MYO18A: variants seen among roughly 807,000 people sequenced by gnomAD.
The protein encoded by MYO18A is myosin XVIIIA.
A neutral mutation model predicts 235.8 loss-of-function variants in MYO18A; 78 were observed. The observed-to-expected ratio is 0.33, with a 90% CI of 0.28 to 0.40. The LOEUF (loss-of-function observed/expected upper bound fraction) is 0.40. Among genes scored for constraint, MYO18A ranks in the 10% least tolerant of loss-of-function variants. The pLI, the probability that MYO18A is intolerant of heterozygous loss-of-function variation, is 1.00. For synonymous variants in MYO18A, 977 were observed against 1,077.8 expected (o/e 0.91, Z 1.83); for missense variants, 2,215 against 2,699.3 (o/e 0.82, Z 3.98).
chr17:29,099,686 A>C lies in MYO18A; in HGVS notation c.3584T>G (p.Phe1195Cys). 1 of 1,613,656 alleles carries C rather than the reference A, an allele frequency of 6.2e-7. No individual in the cohort carries two copies. Among genetic ancestry groups the C allele is most frequent in the Non-Finnish European group, 8.5e-7 (1 of 1,179,844 alleles). The change falls in exon 22 of 42, where the codon TTC becomes TGC. Residue 1195 changes from phenylalanine (F) to cysteine (C), a missense_variant. Transcript: ENST00000527372. ...CAGGTAGCCCCTGCAGGCTGCTTGG[A>C]ACAGGGTTAGGTTCCTGCTGGTTTG... Reference protein sequence around the residue: ...DEQTSRNLTLFQAACRGYLAR... With the variant: ...DEQTSRNLTLCQAACRGYLAR...
Position 29,094,632 on chromosome 17 carries a change from G to T in MYO18A, c.4710+18C>A. ...CCTCGCTGCACCTCACCTCTCCCTT[G>T]GCCAAGCCCTCCTGTACCTGTTCCA... On this transcript the variant is annotated intron_variant, in intron 30 of 41. Transcript: ENST00000527372. 2 of 1,613,722 alleles carry T rather than the reference G, an allele frequency of 1.2e-6. No homozygotes were observed. Among genetic ancestry groups the T allele is most frequent in the Middle Eastern group, 1.6e-4 (1 of 6,062 alleles).
rs1356345730 is a variant in MYO18A at position 29,099,625 on chromosome 17, G to A, written c.3636+9C>T. 6.2e-7 allele frequency: 1 copy of A among 1,612,566 alleles called. No homozygotes were observed. The highest frequency in any genetic ancestry group is 8.5e-7 in the Non-Finnish European group (1 of 1,179,226). ...TTGGGGAGGGGGAGGGATGTCTCTA[G>A]AGCAGCACCTTTCTCTTCTTGAAGT... On this transcript the variant is annotated intron_variant, in intron 22 of 41. Coordinates refer to ENST00000527372, the MANE Select transcript of MYO18A (RefSeq NM_078471.4).
intron 2 of MYO18A, among the ~76,000 whole-genome samples, chr17:29,123,194 C>T (rs892405162): frequency 1.3e-5 from 2 of 152,196 alleles, no homozygotes. Context: ...TGGGAAGAAA[C>T]GGTGTCTGGG....
chr17:29,137,451 A>C (rs1271513684), intron 2 of MYO18A, among the ~76,000 whole-genome samples: 2 of 152,228 alleles, frequency 1.3e-5, no homozygotes, highest in Non-Finnish European at 2.9e-5. Context: ...TAGTGAACTC[A>C]ATGCCTGGGT....
chr17:29,087,369 G>A (rs1006952604), intron 37 of MYO18A, among the ~76,000 whole-genome samples: 1 of 152,206 alleles, frequency 6.6e-6, no homozygotes, highest in Admixed American at 6.5e-5. Flanking sequence ...TCTGAAAGAT[G>A]AAAGGTGCTA....
intron 2 of MYO18A, among the ~76,000 whole-genome samples, chr17:29,156,670 T>C (rs2068072382): frequency 6.6e-6 from 1 of 152,232 alleles, no homozygotes; most frequent in African/African-American, 2.4e-5. Context: ...AAATATCCCC[T>C]GCCCTCATGC....
chr17:29,102,772 C>T (rs1204573671), intron 21 of MYO18A, among the ~76,000 whole-genome samples: 1 of 152,194 alleles, frequency 6.6e-6, no homozygotes, highest in East Asian at 1.9e-4. Context: ...CCGAGAGGAC[C>T]AAGCACACAG....
At chr17:29,083,508 ACACAGGCATGTGTGCGCGCGCGCG>A (rs1227095710) in intron 40 of MYO18A, among the ~76,000 whole-genome samples, 1 of 124,226 alleles carries the variant, frequency 8.0e-6, no homozygotes, top group East Asian at 3.4e-4. Flanking sequence ...ATAAACAGCC[ACACAGGCATGTGTGCGCGCGCGCG>A]CACACACACA....
At chr17:29,145,047 T>C (rs565165244) in intron 2 of MYO18A, among the ~76,000 whole-genome samples, 1 of 152,234 alleles carries the variant, frequency 6.6e-6, no homozygotes, top group Non-Finnish European at 1.5e-5. Context: ...TTCACAACCA[T>C]ATAGTTGAAC....
rs749348606 is a variant in MYO18A, at chr17:29,107,157, G to A, written c.3364C>T (p.Arg1122Cys). 53 of 1,613,820 alleles carry A rather than the reference G, an allele frequency of 3.3e-5. No individual in the cohort carries two copies. In the South Asian group the frequency reaches 3.4e-4, roughly 10 times the overall value. Residue 1122 changes from arginine to cysteine, a missense_variant, in exon 20 of 42, where the codon CGC (arginine) becomes TGC (cysteine). Coordinates refer to ENST00000527372, the MANE Select transcript of MYO18A (RefSeq NM_078471.4). ...YPDHMVFSEF[R>C]RRFDVLAPHL... ...GGGGCCAGGACATCAAAGCGGCGGC[G>A]GAACTCGGAAAACACCATGTGGTCA...
chr17:29,097,428 C>A (rs1463580644), intron 26 of MYO18A, 78 bp from the exon 27 acceptor site: 2 of 1,559,096 alleles, frequency 1.3e-6, no homozygotes, highest in East Asian at 2.3e-5. Context: ...GAGGATGGGG[C>A]AGGGGGAGCA....
At chr17:29,128,687 C>A in intron 2 of MYO18A, 1 of 596,852 alleles carries the variant, frequency 1.7e-6, no homozygotes, top group Non-Finnish European at 2.4e-6. Context: ...CTCCACGAGG[C>A]TACCCCAGGA....
intron 21 of MYO18A, 34 bp downstream of exon 21, chr17:29,103,565 T>A: frequency 6.2e-7 from 1 of 1,608,044 alleles, no homozygotes; most frequent in South Asian, 1.1e-5. Flanking sequence ...GCCCCTGGAG[T>A]GAGGCCCGAC....
chr17:29,100,224 C>T (rs780220438), intron 21 of MYO18A, among the ~76,000 whole-genome samples: 1 of 152,084 alleles, frequency 6.6e-6, no homozygotes, highest in Non-Finnish European at 1.5e-5. Context: ...TTGCTGGGAT[C>T]GGGTGAGTGG....
chr17:29,118,469 G>A lies in MYO18A; in HGVS notation c.1830-29C>T. ...GGGGTACAAATAAGGCATCAGCACG[G>A]CACTTGGTCCCCATGCCAAGGCCAT... On this transcript the variant is annotated intron_variant, in intron 8 of 41. Coordinates refer to ENST00000527372, the MANE Select transcript of MYO18A (RefSeq NM_078471.4). This position sits in a 1 kb window ranked among gnomAD's most constrained non-coding sequence, Gnocchi z 4.2. 6.3e-7 allele frequency: 1 copy of A among 1,578,910 alleles called. No homozygotes were observed. The highest frequency in any genetic ancestry group is 1.1e-5 in the South Asian group (1 of 88,958).
At chr17:29,139,685 T>A (rs2067690691) in intron 2 of MYO18A, among the ~76,000 whole-genome samples, 1 of 152,174 alleles carries the variant, frequency 6.6e-6, no homozygotes, top group South Asian at 2.1e-4. Flanking sequence ...CTTTCTTTTT[T>A]AAGGAACTTA....
At chr17:29,169,705 C>A (rs2152982973) in intron 1 of MYO18A, among the ~76,000 whole-genome samples, 1 of 152,202 alleles carries the variant, frequency 6.6e-6, no homozygotes, top group Admixed American at 6.5e-5. Flanking sequence ...AGAAAGAAAT[C>A]CACCTTGGGG....
chr17:29,149,535 G>A (rs2067925083), intron 2 of MYO18A, among the ~76,000 whole-genome samples: 1 of 152,208 alleles, frequency 6.6e-6, no homozygotes, highest in Non-Finnish European at 1.5e-5. Flanking sequence ...AGTTTGCTCA[G>A]AGCCATGTGC....
chr17:29,083,503 C>A (rs1249401202), intron 40 of MYO18A, among the ~76,000 whole-genome samples: 1 of 111,418 alleles, frequency 9.0e-6, no homozygotes, highest in African/African-American at 4.1e-5. Context: ...CTTAAATAAA[C>A]AGCCACACAG....
Sources: gnomAD v4.1 joint callset for allele counts (sites outside exome capture counted in the v4.1 genomes callset) on GRCh38, gnomAD v4.1.1 for gene constraint, Gnocchi (gnomAD v3.1) non-coding constraint, MANE v1.5 for transcripts, NCBI Gene and HGNC (gene_info 2026-07-23, HGNC 2026-07-21) for gene names.